ATP6V1C2: variants seen among roughly 807,000 people sequenced by gnomAD.
ATP6V1C2 encodes the protein V-type proton ATPase subunit C 2.
A neutral mutation model predicts 56.8 loss-of-function variants in ATP6V1C2; 45 were observed. The ratio of observed to expected loss-of-function variants is 0.79; its 90% CI spans 0.62 to 1.02. The LOEUF (loss-of-function observed/expected upper bound fraction) is 1.02. Ranked by LOEUF, ATP6V1C2 falls within the 50% of genes least tolerant of loss-of-function variation. The pLI, the probability that ATP6V1C2 is intolerant of heterozygous loss-of-function variation, is 0.00. For synonymous variants in ATP6V1C2, 220 were observed against 201.3 expected (o/e 1.09, Z -0.79); for missense variants, 463 against 519.7 (o/e 0.89, Z 1.06).
intron 3 of ATP6V1C2, among the ~76,000 whole-genome samples, chr2:10,739,973 G>GCACCTGTAATC (rs79355332): frequency 1 from 150,888 of 151,498 alleles, 75,146 homozygotes; most frequent in Middle Eastern, 1. Flanking sequence ...TTGGTGGTGG[G>GCACCTGTAATC]CAAGCTTGGG....
chr2:10,764,988 AAG>A (rs1351831937), intron 5 of ATP6V1C2, among the ~76,000 whole-genome samples: 1 of 151,864 alleles, frequency 6.6e-6, no homozygotes, highest in Non-Finnish European at 1.5e-5. Flanking sequence ...AAAAAAAAAA[AAG>A]TTACTGATGG....
In ATP6V1C2 at chr2:10,722,871, T is replaced by A. The variant is rs775462278; in HGVS notation, c.22T>A (p.Ser8Thr). 6.2e-7 allele frequency: 1 copy of A among 1,614,120 alleles called. No homozygotes were observed. Among genetic ancestry groups the A allele is most frequent in the South Asian group, 1.1e-5 (1 of 91,072 alleles). The change falls in exon 2 of 14, where the codon TCT becomes ACT. Residue 8 changes from serine (S) to threonine (T), a missense_variant. By Grantham distance (58) the Ser-to-Thr change is moderately conservative. Transcript: ENST00000272238. ...AAGCATGTCGGAGTTTTGGTTAATTTCTGCCCCTGGCGATAAGGAAAATTT... is the reference window on the plus strand; with the variant it reads ...AAGCATGTCGGAGTTTTGGTTAATTACTGCCCCTGGCGATAAGGAAAATTT... MSEFWLISAPGDKENLQA... is the reference protein window; with the variant it reads MSEFWLITAPGDKENLQA...
At chr2:10,740,720 CTT>C (rs1278600777) in intron 3 of ATP6V1C2, among the ~76,000 whole-genome samples, 5 of 152,190 alleles carry the variant, frequency 3.3e-5, no homozygotes, top group South Asian at 2.1e-4. Flanking sequence ...AAATCTCACT[CTT>C]GTCGCCCAGG....
intron 3 of ATP6V1C2, among the ~76,000 whole-genome samples, chr2:10,745,253 G>T (rs767620240): frequency 6.6e-6 from 1 of 150,904 alleles, no homozygotes; most frequent in Non-Finnish European, 1.5e-5. Context: ...GGCCAGGCTC[G>T]TCTCAAACTC....
intron 1 of ATP6V1C2, among the ~76,000 whole-genome samples, chr2:10,722,500 T>G (rs777744697): frequency 6.6e-6 from 1 of 152,046 alleles, no homozygotes; most frequent in Non-Finnish European, 1.5e-5. Context: ...CCCCAGAAGG[T>G]GTCCGCCTCC....
chr2:10,729,085 G>A (rs559837635), intron 3 of ATP6V1C2, among the ~76,000 whole-genome samples: 15 of 149,872 alleles, frequency 1.0e-4, no homozygotes, highest in East Asian at 2.0e-4. Context: ...AGCCAAGATC[G>A]TGCCACTGCA....
chr2:10,756,703 G>A (rs1272570386), intron 4 of ATP6V1C2, among the ~76,000 whole-genome samples: 3 of 152,148 alleles, frequency 2.0e-5, no homozygotes, highest in African/African-American at 7.2e-5. Flanking sequence ...GGAGACAAGA[G>A]TGAAACTCTG....
chr2:10,784,421 A>G lies in ATP6V1C2; in HGVS notation c.*1158A>G. On this transcript the variant is annotated 3_prime_UTR_variant, in exon 14 of 14. Transcript: ENST00000272238. ...TATGGAAGAGCGACTCTCTGGAGCTACTCCTGCTACAATCCAGGTTCTCCT... is the reference window on the plus strand; with the variant it reads ...TATGGAAGAGCGACTCTCTGGAGCTGCTCCTGCTACAATCCAGGTTCTCCT... The G allele has an allele frequency of 1.1e-6, 1 of 886,828 alleles. No homozygotes were observed. The highest frequency in any genetic ancestry group is 1.7e-6 in the Non-Finnish European group (1 of 574,484). 54.9% of individuals were successfully genotyped at this position (886,828 alleles called of 1,614,324 possible).
intron 7 of ATP6V1C2, 46 bp downstream of exon 7, chr2:10,771,983 G>C (rs1312268259): frequency 6.5e-7 from 1 of 1,534,384 alleles, no homozygotes; most frequent in Non-Finnish European, 9.0e-7. Flanking sequence ...GCCCAGTGGA[G>C]AGGAAGGTGG....
rs376091228 is a variant in ATP6V1C2, at chr2:10,743,251, GC to G, written c.198-10729del. Among the ~76,000 whole-genome samples, 50 of 151,842 alleles carry G rather than the reference GC, an allele frequency of 3.3e-4. 1 individual carries two copies. The East Asian group carries it at 9.0e-3, about 27-fold the overall frequency. On this transcript the variant is annotated intron_variant, in intron 3 of 13. Coordinates refer to ENST00000272238, the MANE Select transcript of ATP6V1C2 (RefSeq NM_001039362.2). Reference sequence around the variant, plus strand: ...CTACAGGCACACCCCACTACCCATGGCTAATATTTATTTATATATATATTTA... The same window carrying G: ...CTACAGGCACACCCCACTACCCATGGTAATATTTATTTATATATATATTTA...
In ATP6V1C2 at chr2:10,764,373, C is replaced by T; in HGVS notation, c.326C>T (p.Ala109Val). Reference protein sequence around the residue: ...SFVTHFEWDMAKYPVKQPLVS... With the variant: ...SFVTHFEWDMVKYPVKQPLVS... ...GTGACCCACTTTGAATGGGACATGG[C>T]CAAATATCCTGTCAAGCAGCCGCTC... Residue 109 changes from alanine (A) to valine (V), a missense_variant, in exon 5 of 14, where the codon GCC becomes GTC. Transcript: ENST00000272238. 6.2e-7 allele frequency: 1 copy of T among 1,614,112 alleles called. No homozygotes were observed. Among genetic ancestry groups the T allele is most frequent in the Non-Finnish European group, 8.5e-7 (1 of 1,179,948 alleles).
At chr2:10,753,388 T>A (rs1663328983) in intron 3 of ATP6V1C2, among the ~76,000 whole-genome samples, 2 of 152,318 alleles carry the variant, frequency 1.3e-5, no homozygotes, top group Non-Finnish European at 2.9e-5. Context: ...TTCCTTATTG[T>A]CGGACCTTCC....
In ATP6V1C2 at chr2:10,727,861, G is replaced by A. The variant is rs139690581; in HGVS notation, c.197+1292G>A. ...GGGGGTTGCAGTGAGCCGAGATCGC[G>A]CCACTTCACTCCAGCCTGGGTGACA... On this transcript the variant is annotated intron_variant, in intron 3 of 13. Coordinates refer to ENST00000272238, the MANE Select transcript of ATP6V1C2 (RefSeq NM_001039362.2). 4.7e-3 allele frequency among the ~76,000 whole-genome samples: 711 copies of A among 152,180 alleles called. 4 individuals carry two copies. Among genetic ancestry groups the A allele is most frequent in the African/African-American group, 0.015 (642 of 41,516 alleles).
At position 10,774,988 on chromosome 2, in the gene ATP6V1C2, C is replaced by T. The variant is rs758292790; in HGVS notation, c.742C>T (p.Arg248Cys). Residue 248 changes from arginine to cysteine, a missense_variant, in exon 10 of 14, where the codon CGT becomes TGT. Physicochemically the swap from Arg to Cys is radical, Grantham distance 180. Transcript: ENST00000272238. The part of the protein sequence containing the change: ...TKAKENKFTV[R>C]EFYYDEKEIE... The stretch of plus-strand genomic sequence containing the variant: ...TTTGCTTGTTTTAAGGTTCACTGTT[C>T]GTGAATTTTACTATGATGAGAAGGA... The T allele has an allele frequency of 7.2e-5, 116 of 1,613,648 alleles. No individual in the cohort carries two copies. Among genetic ancestry groups the T allele is most frequent in the Middle Eastern group, 6.6e-4 (4 of 6,084 alleles).
chr2:10,743,915 C>T (rs547815522), intron 3 of ATP6V1C2, among the ~76,000 whole-genome samples: 13 of 150,970 alleles, frequency 8.6e-5, no homozygotes, highest in East Asian at 1.9e-4. Flanking sequence ...AACCCGGAGG[C>T]GGAGGTTGCA....
intron 11 of ATP6V1C2, 60 bp downstream of exon 11, chr2:10,777,782 G>A (rs1338078396): frequency 7.8e-6 from 12 of 1,546,272 alleles, no homozygotes; most frequent in South Asian, 2.4e-5. Context: ...CAGCTCAGGC[G>A]CCTTCTGGGA....
chr2:10,774,640 A>G, intron 8 of ATP6V1C2, 148 bp from the exon 9 acceptor site: 2 of 716,774 alleles, frequency 2.8e-6, no homozygotes, highest in Non-Finnish European at 4.9e-6. Context: ...GCCAGGAGTT[A>G]GGAAATCTCA....
chr2:10,772,741 C>T, intron 8 of ATP6V1C2, 131 bp downstream of exon 8: 1 of 794,154 alleles, frequency 1.3e-6, no homozygotes, highest in Non-Finnish European at 2.2e-6. Context: ...CTCTCCTGTC[C>T]CTTGGCCTGG....
intron 3 of ATP6V1C2, among the ~76,000 whole-genome samples, chr2:10,743,247 C>T (rs1321188483): frequency 6.6e-6 from 1 of 151,944 alleles, no homozygotes; most frequent in Non-Finnish European, 1.5e-5. Context: ...CCCCACTACC[C>T]ATGGCTAATA....
Sources: gnomAD v4.1 joint callset for allele counts (sites outside exome capture counted in the v4.1 genomes callset) on GRCh38, gnomAD v4.1.1 for gene constraint, MANE v1.5 for transcripts, NCBI Gene and HGNC (gene_info 2026-07-23, HGNC 2026-07-21) for gene names.